The following ASXL2 variants were observed in gnomAD, a reference collection of about 807,000 sequenced individuals.
ASXL2 encodes putative Polycomb group protein ASXL2.
ASXL2 carries 23 observed loss-of-function variants against 122.0 expected under a neutral mutation model. The observed-to-expected ratio is 0.19, with a 90% CI of 0.14 to 0.27. The LOEUF (loss-of-function observed/expected upper bound fraction) is 0.27, where lower values mean the gene tolerates loss of function less well. ASXL2 is among the 10% of genes least tolerant of loss of function. The probability of loss-of-function intolerance (pLI) is 1.00; values close to 1 mark genes in which losing one functional copy is unlikely to be tolerated. For missense variants in ASXL2, 1,518 were observed against 1,713.8 expected (o/e 0.89, Z 2.02); for synonymous variants, 650 against 637.0 (o/e 1.02, Z -0.31).
At chr2:25,859,665 C>G (rs981718037) in intron 1 of ASXL2, among the ~76,000 whole-genome samples, 13 of 152,162 alleles carry the variant, frequency 8.5e-5, no homozygotes, top group Admixed American at 7.2e-4. Context: ...GCAAAGTAAA[C>G]AGACTTTTCT....
intron 3 of ASXL2, among the ~76,000 whole-genome samples, chr2:25,823,582 G>A (rs2089338042): frequency 6.6e-6 from 1 of 152,072 alleles, no homozygotes; most frequent in African/African-American, 2.4e-5. Context: ...TGACCCTTAG[G>A]TGTTTTTACA....
intron 10 of ASXL2, among the ~76,000 whole-genome samples, chr2:25,754,532 C>T (rs1417558108): frequency 6.6e-6 from 1 of 152,130 alleles, no homozygotes; most frequent in Admixed American, 6.6e-5. Flanking sequence ...GAATCCAACC[C>T]AGAACTCCTG....
intron 3 of ASXL2, among the ~76,000 whole-genome samples, chr2:25,812,495 T>C (rs1057223461): frequency 6.6e-6 from 1 of 152,114 alleles, no homozygotes; most frequent in African/African-American, 2.4e-5. Context: ...AATGGATTGA[T>C]AAAATCCATT....
intron 1 of ASXL2, among the ~76,000 whole-genome samples, chr2:25,851,128 A>G (rs2089711885): frequency 1.3e-5 from 2 of 151,796 alleles, no homozygotes; most frequent in African/African-American, 4.8e-5. Flanking sequence ...CCTGGGCAAC[A>G]AGAGCAAAAC....
intron 1 of ASXL2, among the ~76,000 whole-genome samples, chr2:25,855,144 A>G (rs925853241): frequency 7.2e-5 from 11 of 152,200 alleles, no homozygotes; most frequent in Non-Finnish European, 1.3e-4. Context: ...ACAAAATAGC[A>G]AAGATTTTTA....
chr2:25,750,271 A>G lies in ASXL2; in HGVS notation c.1285T>C (p.Ser429Pro). Residue 429 changes from serine to proline, a missense_variant, in exon 12 of 13, where the codon TCA (serine) becomes CCA (proline). Physicochemically the swap from Ser to Pro is moderately conservative, Grantham distance 74. This residue lies in a region of ASXL2 where 292 missense variants were observed against 293.5 expected (regional missense o/e 1.00). Coordinates refer to ENST00000435504, the MANE Select transcript of ASXL2 (RefSeq NM_018263.6). Reference sequence around the variant, plus strand: ...TGCAATGCTTCTTCTTTACACTCTGACTGGGAGACTACTGGAACTATTCTG... The same window carrying G: ...TGCAATGCTTCTTCTTTACACTCTGGCTGGGAGACTACTGGAACTATTCTG... ...LIRIVPVVSQ[S>P]ECKEEALQMS... 6.2e-7 allele frequency: 1 copy of G among 1,613,956 alleles called. No homozygotes were observed. The highest frequency in any genetic ancestry group is 1.1e-5 in the South Asian group (1 of 91,086).
At chr2:25,806,102 T>C (rs1478529432) in intron 4 of ASXL2, 127 bp downstream of exon 4, 2 of 594,938 alleles carry the variant, frequency 3.4e-6, no homozygotes, top group Non-Finnish European at 3.0e-6. Context: ...GGGTAGAGGT[T>C]TCAAAATATT....
chr2:25,815,862 A>G (rs953881832), intron 3 of ASXL2, among the ~76,000 whole-genome samples: 6 of 152,230 alleles, frequency 3.9e-5, no homozygotes, highest in Admixed American at 3.9e-4. Context: ...GTATCTTAAT[A>G]GATACAAAGC....
intron 3 of ASXL2, among the ~76,000 whole-genome samples, chr2:25,808,316 G>A (rs1412033334): frequency 1.3e-5 from 2 of 152,132 alleles, no homozygotes; most frequent in Non-Finnish European, 1.5e-5. Flanking sequence ...GGGCAGAACT[G>A]AGAAAAGTCA....
chr2:25,762,552 C>CT (rs762284274), intron 8 of ASXL2, among the ~76,000 whole-genome samples: 2 of 150,044 alleles, frequency 1.3e-5, no homozygotes, highest in Non-Finnish European at 3.0e-5. Context: ...GTAATCCCAG[C>CT]TACTCAGGAG....
chr2:25,840,677 T>C (rs1458946067), intron 2 of ASXL2, among the ~76,000 whole-genome samples: 1 of 152,234 alleles, frequency 6.6e-6, no homozygotes, highest in Non-Finnish European at 1.5e-5. Context: ...GGTTCATCCA[T>C]ACTGTAGCAT....
intron 3 of ASXL2, among the ~76,000 whole-genome samples, chr2:25,829,956 A>G (rs2089431405): frequency 6.6e-6 from 1 of 152,208 alleles, no homozygotes. Context: ...CACAGGCTGA[A>G]GACTCCCTTT....
At position 25,810,496 on chromosome 2, in the gene ASXL2, T is replaced by C. The variant is rs1161395907; in HGVS notation, c.144-4159A>G. 10 of 743,352 alleles carry C rather than the reference T, an allele frequency of 1.3e-5. 1 individual carries two copies. The highest frequency in any genetic ancestry group is 2.6e-5 in the East Asian group (1 of 38,680). 46.0% of individuals were successfully genotyped at this position (743,352 alleles called of 1,614,324 possible). ...CTCCTCTTCAACCAGCTGGATCCTA[T>C]GGTTCAAGGAGGCCACCTCAGCCTC... is the stretch of plus-strand genomic sequence containing the variant. On this transcript the variant is annotated intron_variant, in intron 3 of 12. Coordinates refer to ENST00000435504, the MANE Select transcript of ASXL2 (RefSeq NM_018263.6).
At chr2:25,870,110 C>G (rs959049852) in intron 1 of ASXL2, among the ~76,000 whole-genome samples, 1 of 152,114 alleles carries the variant, frequency 6.6e-6, no homozygotes, top group Non-Finnish European at 1.5e-5. Flanking sequence ...ATTACAGAAT[C>G]TCCACTCAAG....
In ASXL2 at chr2:25,845,525, T is replaced by C; in HGVS notation, c.96A>G (p.Lys32=). The part of the protein sequence containing the change: ...EKYPNTPMSH[K]EILQVIQREG... ...CTCTCTGGATAACTTGAAGAATTTCTTTATGACTCATGGGTGTATTGGGGT... is the reference window on the plus strand; with the variant it reads ...CTCTCTGGATAACTTGAAGAATTTCCTTATGACTCATGGGTGTATTGGGGT... Residue 32 remains lysine, a synonymous_variant, in exon 2 of 13, where the codon AAA becomes AAG. Coordinates refer to ENST00000435504, the MANE Select transcript of ASXL2 (RefSeq NM_018263.6). 1.3e-6 allele frequency: 2 copies of C among 1,510,030 alleles called. No individual in the cohort carries two copies. Among genetic ancestry groups the C allele is most frequent in the Non-Finnish European group, 8.9e-7 (1 of 1,124,620 alleles). The allele number at this position is 1,510,030 out of a possible 1,614,324, so 93.5% of individuals were successfully genotyped here.
chr2:25,850,955 A>G (rs1327332199), intron 1 of ASXL2, among the ~76,000 whole-genome samples: 1 of 152,138 alleles, frequency 6.6e-6, no homozygotes, highest in Non-Finnish European at 1.5e-5. Context: ...CCTGGCCAAC[A>G]TGGTGAAACC....
At chr2:25,760,371 C>T (rs1389517871) in intron 8 of ASXL2, among the ~76,000 whole-genome samples, 3 of 151,412 alleles carry the variant, frequency 2.0e-5, no homozygotes, top group African/African-American at 4.9e-5. Context: ...TAAGTAGATG[C>T]TAAAATATTA....
At chr2:25,784,382 G>A (rs2088704958) in intron 5 of ASXL2, among the ~76,000 whole-genome samples, 1 of 152,188 alleles carries the variant, frequency 6.6e-6, no homozygotes, top group South Asian at 2.1e-4. Context: ...TGGCAGCAGA[G>A]ATGATGACTA....
chr2:25,743,375 T>A lies in ASXL2; in HGVS notation c.2962A>T (p.Arg988Trp). 1.2e-6 allele frequency: 2 copies of A among 1,613,992 alleles called. No homozygotes were observed. The highest frequency in any genetic ancestry group is 1.7e-6 in the Non-Finnish European group (2 of 1,179,892). ...GTAGCTATGAGCGCTCCCATCCCCC[T>A]TTCCTCTTTTGCAGTCAGTGGAACC... is the stretch of plus-strand genomic sequence containing the variant. ...KTVPLTAKEE[R>W]GMGALIATNT... Residue 988 changes from arginine to tryptophan, a missense_variant, in exon 13 of 13, where the codon AGG (arginine) becomes TGG (tryptophan). Physicochemically the swap from Arg to Trp is moderately radical, Grantham distance 101. Around this residue, in one of 8 missense-constraint regions of ASXL2, gnomAD observed 831 missense variants for 833.1 expected, o/e 1.00. Coordinates refer to ENST00000435504, the MANE Select transcript of ASXL2 (RefSeq NM_018263.6).
Sources: gnomAD v4.1 joint callset for allele counts (sites outside exome capture counted in the v4.1 genomes callset) on GRCh38, gnomAD v4.1.1 for gene constraint, gnomAD v4.1.1 regional missense constraint, MANE v1.5 for transcripts, NCBI Gene and HGNC (gene_info 2026-07-23, HGNC 2026-07-21) for gene names.